MGMT: variants seen among roughly 807,000 people sequenced by gnomAD.
MGMT encodes the protein methylated-DNA--protein-cysteine methyltransferase.
A neutral mutation model predicts 15.9 loss-of-function variants in MGMT; 14 were observed. That is an observed-to-expected ratio of 0.88 (90% confidence interval 0.58 to 1.37). MGMT has a LOEUF of 1.37. MGMT is among the 40% of genes most tolerant of loss of function. The pLI is 0.00. For missense variants in MGMT, 282 were observed against 268.1 expected (o/e 1.05, Z -0.36); for synonymous variants, 130 against 118.2 (o/e 1.10, Z -0.65).
In MGMT at chr10:129,768,346, T is replaced by A. The variant is rs1371401325; in HGVS notation, c.*1349T>A. Reference sequence around the variant, plus strand: ...TGATGTGACTCTTACCCCGTTGTCTTAACTCTTGGTATTTTTGAAGCAGGA... The same window carrying A: ...TGATGTGACTCTTACCCCGTTGTCTAAACTCTTGGTATTTTTGAAGCAGGA... On this transcript the variant is annotated 3_prime_UTR_variant, in exon 5 of 5. Coordinates refer to ENST00000651593, the MANE Select transcript of MGMT (RefSeq NM_002412.5). 6.6e-6 allele frequency among the ~76,000 whole-genome samples: 1 copy of A among 152,270 alleles called. No individual in the cohort carries two copies. Among genetic ancestry groups the A allele is most frequent in the Non-Finnish European group, 1.5e-5 (1 of 68,054 alleles).
At chr10:129,712,849 C>G (rs1199830900) in intron 3 of MGMT, among the ~76,000 whole-genome samples, 1 of 152,192 alleles carries the variant, frequency 6.6e-6, no homozygotes, top group Non-Finnish European at 1.5e-5. Context: ...CTACTCACAT[C>G]CAGGAAAGAG....
At chr10:129,640,376 G>C (rs1338319065) in intron 2 of MGMT, among the ~76,000 whole-genome samples, 1 of 152,178 alleles carries the variant, frequency 6.6e-6, no homozygotes, top group Admixed American at 6.5e-5. Flanking sequence ...GATTATAGGC[G>C]TGAGCCACTG....
In MGMT at chr10:129,769,302, T is replaced by C. The variant is rs1009788031; in HGVS notation, c.*2305T>C. 1 of 152,090 alleles carries C rather than the reference T, an allele frequency of 6.6e-6. No homozygotes were observed. The highest frequency in any genetic ancestry group is 2.4e-5 in the African/African-American group (1 of 41,412). The allele number at this position is 152,090 out of a possible 1,614,324, so 9.4% of individuals were successfully genotyped here. ...AGGACAAGCTCTGCCGAGGCCGACA[T>C]GAAAAGCCAGCACGCGGGTCGCCTA... On this transcript the variant is annotated 3_prime_UTR_variant, in exon 5 of 5. Transcript: ENST00000651593.
intron 2 of MGMT, among the ~76,000 whole-genome samples, chr10:129,581,666 A>T (rs1846556835): frequency 6.6e-6 from 1 of 152,158 alleles, no homozygotes; most frequent in African/African-American, 2.4e-5. Flanking sequence ...AAAAAACAAA[A>T]CAGAAAACCA....
At chr10:129,673,981 AT>A (rs1329360657) in intron 2 of MGMT, among the ~76,000 whole-genome samples, 3 of 152,120 alleles carry the variant, frequency 2.0e-5, no homozygotes, top group African/African-American at 7.2e-5. Context: ...AAGTAACTGA[AT>A]TTTAATTCCT....
chr10:129,566,758 C>G lies in MGMT; in HGVS notation c.125+30381C>G, dbSNP rs537734392. On this transcript the variant is annotated intron_variant, in intron 2 of 4. Transcript: ENST00000651593. The surrounding 1 kb of genome is among the most constrained non-coding windows in gnomAD (Gnocchi z 4.1). ...GAGGCCCCATGAAGTTGGTATTCCT[C>G]AGCTCTGCCCCAGGGTCCCTCTGAT... Among the ~76,000 whole-genome samples, 77 of 152,214 alleles carry G rather than the reference C, an allele frequency of 5.1e-4. No individual in the cohort carries two copies. Among genetic ancestry groups the G allele is most frequent in the Non-Finnish European group, 7.8e-4 (53 of 68,010 alleles).
At chr10:129,640,480 A>C (rs1289680797) in intron 2 of MGMT, among the ~76,000 whole-genome samples, 2 of 152,222 alleles carry the variant, frequency 1.3e-5, no homozygotes, top group Admixed American at 1.3e-4. Context: ...TGAATTTATA[A>C]TTTAAGCCTT....
At chr10:129,723,319 A>T (rs1375245216) in intron 3 of MGMT, among the ~76,000 whole-genome samples, 1 of 152,054 alleles carries the variant, frequency 6.6e-6, no homozygotes, top group Non-Finnish European at 1.5e-5. Context: ...TGTCATTCTT[A>T]TGTCTTTACC....
At chr10:129,734,644 T>C (rs1848539632) in intron 3 of MGMT, among the ~76,000 whole-genome samples, 1 of 152,146 alleles carries the variant, frequency 6.6e-6, no homozygotes, top group African/African-American at 2.4e-5. Flanking sequence ...GTGCCAGTTT[T>C]CAAAGGGAAT....
At chr10:129,697,344 G>A (rs747596883) in intron 2 of MGMT, among the ~76,000 whole-genome samples, 4 of 152,304 alleles carry the variant, frequency 2.6e-5, no homozygotes, top group Admixed American at 6.5e-5. Flanking sequence ...AGTGACCACT[G>A]GCTTCCATTT....
intron 4 of MGMT, among the ~76,000 whole-genome samples, chr10:129,764,225 G>T (rs1055897435): frequency 4.6e-5 from 7 of 152,240 alleles, no homozygotes; most frequent in African/African-American, 1.7e-4. Flanking sequence ...AGACAGGCCT[G>T]GTGGGGCCTT....
chr10:129,692,600 A>C (rs1356743359), intron 2 of MGMT, among the ~76,000 whole-genome samples: 1 of 152,196 alleles, frequency 6.6e-6, no homozygotes, highest in Non-Finnish European at 1.5e-5. Flanking sequence ...GTGACGTGGA[A>C]TGCCCCATCG....
intron 3 of MGMT, among the ~76,000 whole-genome samples, chr10:129,753,797 A>G (rs139750803): frequency 5.6e-4 from 85 of 151,658 alleles, no homozygotes; most frequent in African/African-American, 1.9e-3. Flanking sequence ...GCATGAGTTG[A>G]TTTTTTCCCT....
At chr10:129,560,199 T>C (rs748674162) in intron 2 of MGMT, among the ~76,000 whole-genome samples, 2 of 152,204 alleles carry the variant, frequency 1.3e-5, no homozygotes, top group Non-Finnish European at 2.9e-5. Flanking sequence ...CAGGGTCTGA[T>C]GTGTAAGTTC....
rs111860938 is a variant in MGMT, at chr10:129,658,542, G to A, written c.126-49353G>A. ...GAAAGTCCATGTTATTCCCATTAAC[G>A]TCAGTGAGTTTTTCACATATCTAAA... On this transcript the variant is annotated intron_variant, in intron 2 of 4. Transcript: ENST00000651593. Among the ~76,000 whole-genome samples, 1,135 of 152,218 alleles carry A rather than the reference G, an allele frequency of 7.5e-3. 8 individuals carry two copies. The highest frequency in any genetic ancestry group is 0.026 in the African/African-American group (1,081 of 41,530).
Position 129,566,818 on chromosome 10 carries a change from AAGAGCTGC to A in MGMT, c.125+30444_125+30451del, listed in dbSNP as rs1264678631. 3.9e-5 allele frequency among the ~76,000 whole-genome samples: 6 copies of A among 152,008 alleles called. No individual in the cohort carries two copies. The highest frequency in any genetic ancestry group is 1.4e-4 in the African/African-American group (6 of 41,396). On this transcript the variant is annotated intron_variant, in intron 2 of 4. Transcript: ENST00000651593. This position sits in a 1 kb window ranked among gnomAD's most constrained non-coding sequence, Gnocchi z 4.1. Reference sequence around the variant, plus strand: ...GAGCTGCGGAAAGTCCACATTTTTGAAGAGCTGCAGGCTGGGGAGCCCCCGTGGCGAAC... The same window carrying A: ...GAGCTGCGGAAAGTCCACATTTTTGAAGGCTGGGGAGCCCCCGTGGCGAAC...
At chr10:129,666,040 ACT>A (rs1364535617) in intron 2 of MGMT, among the ~76,000 whole-genome samples, 1 of 152,108 alleles carries the variant, frequency 6.6e-6, no homozygotes, top group Non-Finnish European at 1.5e-5. Context: ...ACCCAAAGTA[ACT>A]CTCAAATGGT....
chr10:129,636,671 G>A (rs914246259), intron 2 of MGMT, among the ~76,000 whole-genome samples: 3 of 152,080 alleles, frequency 2.0e-5, no homozygotes, highest in Non-Finnish European at 4.4e-5. Context: ...AGATTGTTTT[G>A]TGGATACCCA....
At chr10:129,509,355 C>T (rs1313985822) in intron 1 of MGMT, among the ~76,000 whole-genome samples, 3 of 152,156 alleles carry the variant, frequency 2.0e-5, no homozygotes, top group East Asian at 3.8e-4. Context: ...GCACCTTCCA[C>T]GCCCAGCACA....
Sources: allele counts gnomAD v4.1 joint callset (sites outside exome capture counted in the v4.1 genomes callset), GRCh38; gene constraint gnomAD v4.1.1; non-coding constraint Gnocchi (gnomAD v3.1); transcripts MANE v1.5; gene names NCBI Gene and HGNC (gene_info 2026-07-23, HGNC 2026-07-21).